ATP13A3: variants seen among roughly 807,000 people sequenced by gnomAD.
The protein encoded by ATP13A3 is polyamine-transporting ATPase 13A3.
ATP13A3 carries 59 observed loss-of-function variants against 158.1 expected under a neutral mutation model. The observed-to-expected ratio is 0.37, with a 90% CI of 0.30 to 0.46. The LOEUF is 0.46. ATP13A3 is among the 20% of genes least tolerant of loss of function. ATP13A3 has a pLI of 1.00. For missense variants in ATP13A3, 1,166 were observed against 1,525.2 expected, an observed-to-expected ratio of 0.76 and a Z score of 3.92; for synonymous variants, 491 against 504.3, an observed-to-expected ratio of 0.97 and a Z score of 0.35.
chr3:194,459,348 T>TA lies in ATP13A3; in HGVS notation c.479+122dup, dbSNP rs1204330278. 3 of 711,564 alleles carry TA rather than the reference T, an allele frequency of 4.2e-6. No individual in the cohort carries two copies. The Admixed American group carries it at 8.6e-5, about 21-fold the overall frequency. The allele number at this position is 711,564 out of a possible 1,614,324, so 44.1% of individuals were successfully genotyped here. ...ACAGCAACAGGGAGTTGTTAATTAA[T>TA]ACGTGAATAGAAATTATAAAATAAA... On this transcript the variant is annotated intron_variant, in intron 6 of 33. Coordinates refer to ENST00000645319, the MANE Select transcript of ATP13A3 (RefSeq NM_001367549.1).
intron 31 of ATP13A3, among the ~76,000 whole-genome samples, chr3:194,417,953 ACG>A (rs1491191481): frequency 2.8e-5 from 3 of 106,226 alleles, no homozygotes; most frequent in African/African-American, 1.3e-4. Context: ...AGACAGACGG[ACG>A]GACGGAAGGA....
intron 16 of ATP13A3, among the ~76,000 whole-genome samples, chr3:194,440,802 T>C (rs908278529): frequency 6.6e-6 from 1 of 152,174 alleles, no homozygotes; most frequent in Non-Finnish European, 1.5e-5. Flanking sequence ...AACTGAATGC[T>C]GTAAAATGAT....
chr3:194,464,199 G>GT (rs1719853001), intron 2 of ATP13A3, among the ~76,000 whole-genome samples: 1 of 152,246 alleles, frequency 6.6e-6, no homozygotes, highest in African/African-American at 2.4e-5. Context: ...TACTTACGTC[G>GT]TTTTAATAAT....
intron 33 of ATP13A3, among the ~76,000 whole-genome samples, chr3:194,408,264 CA>C (rs1027522261): frequency 6.6e-6 from 1 of 152,202 alleles, no homozygotes; most frequent in Non-Finnish European, 1.5e-5. Flanking sequence ...GTGATCCATC[CA>C]CCTCAGCCTC....
At chr3:194,454,430 A>G (rs763118339) in intron 8 of ATP13A3, 38 bp from the exon 9 acceptor site, 1 of 1,549,002 alleles carries the variant, frequency 6.5e-7, no homozygotes, top group South Asian at 1.1e-5. Context: ...TGAATGAGGT[A>G]TTAATGACCA....
chr3:194,439,095 AT>A (rs1425762488), intron 16 of ATP13A3, 123 bp from the exon 17 acceptor site: 4 of 581,388 alleles, frequency 6.9e-6, no homozygotes, highest in Admixed American at 6.9e-5. Context: ...ATTAAAAAAA[AT>A]GTATGTCCAA....
At chr3:194,461,178 T>C (rs1298402343) in intron 3 of ATP13A3, among the ~76,000 whole-genome samples, 1 of 152,210 alleles carries the variant, frequency 6.6e-6, no homozygotes, top group African/African-American at 2.4e-5. Context: ...ATTTATCTTG[T>C]TATGAGGTGG....
chr3:194,433,229 A>ATTTT (rs1337791516), intron 21 of ATP13A3, among the ~76,000 whole-genome samples: 2 of 134,992 alleles, frequency 1.5e-5, no homozygotes, highest in African/African-American at 5.7e-5. Flanking sequence ...TACTTTTACT[A>ATTTT]TTCTTTTTTT....
At chr3:194,455,530 A>G (rs1719163363) in intron 8 of ATP13A3, among the ~76,000 whole-genome samples, 3 of 152,228 alleles carry the variant, frequency 2.0e-5, no homozygotes, top group Admixed American at 6.5e-5. Flanking sequence ...TGCTATGCTC[A>G]TAAGCAACAT....
chr3:194,441,595 T>C, intron 15 of ATP13A3, 134 bp from the exon 16 acceptor site: 1 of 767,852 alleles, frequency 1.3e-6, no homozygotes, highest in South Asian at 2.2e-5. Flanking sequence ...AAAGAGAAAC[T>C]GTCAAGTGTC....
intron 30 of ATP13A3, among the ~76,000 whole-genome samples, chr3:194,424,145 T>A (rs1363075898): frequency 6.6e-6 from 1 of 151,906 alleles, no homozygotes; most frequent in East Asian, 1.9e-4. Flanking sequence ...TCCTGTAGCA[T>A]GGTTCTAATA....
chr3:194,468,611 C>G lies in ATP13A3; in HGVS notation c.-46-6375G>C, dbSNP rs149026427. 1.7e-4 allele frequency among the ~76,000 whole-genome samples: 26 copies of G among 152,260 alleles called. No homozygotes were observed. The East Asian group carries it at 4.1e-3, about 24-fold the overall frequency. On this transcript the variant is annotated intron_variant, in intron 2 of 33. Coordinates refer to ENST00000645319, the MANE Select transcript of ATP13A3 (RefSeq NM_001367549.1). The stretch of plus-strand genomic sequence containing the variant: ...TTTTCAGACACAGAAATCTCCAAAC[C>G]TCAAAGACATCTTTGCTTCAAACCT...
At position 194,438,927 on chromosome 3, in the gene ATP13A3, T is replaced by C; in HGVS notation, c.1756A>G (p.Ile586Val). The change falls in exon 17 of 34, where the codon ATT becomes GTT. Residue 586 changes from isoleucine to valine, a missense_variant. Coordinates refer to ENST00000645319, the MANE Select transcript of ATP13A3 (RefSeq NM_001367549.1). ...TEEETALHNR[I>V]MPTVVRPPKQ... The stretch of plus-strand genomic sequence containing the variant: ...GGAGGACGAACCACTGTGGGCATAA[T>C]TCGATTATGAAGTGCTGTTTCTTCT... 6.2e-7 allele frequency: 1 copy of C among 1,610,358 alleles called. No homozygotes were observed. The highest frequency in any genetic ancestry group is 8.5e-7 in the Non-Finnish European group (1 of 1,178,302).
chr3:194,439,600 A>G (rs1362878255), intron 16 of ATP13A3, among the ~76,000 whole-genome samples: 1 of 152,202 alleles, frequency 6.6e-6, no homozygotes, highest in African/African-American at 2.4e-5. Flanking sequence ...AAATTAGCCA[A>G]TTTTGTACAA....
chr3:194,442,278 C>A (rs1241631459), intron 15 of ATP13A3, among the ~76,000 whole-genome samples: 1 of 152,152 alleles, frequency 6.6e-6, no homozygotes, highest in Non-Finnish European at 1.5e-5. Flanking sequence ...AGAGTGTCAA[C>A]AGACATAACA....
At chr3:194,413,659 G>C in intron 32 of ATP13A3, 100 bp downstream of exon 32, 1 of 1,057,154 alleles carries the variant, frequency 9.5e-7, no homozygotes, top group Non-Finnish European at 1.5e-6. Context: ...GAGACTCTGT[G>C]GCTTTCCATT....
At position 194,431,906 on chromosome 3, in the gene ATP13A3, T is replaced by C; in HGVS notation, c.2246-14A>G. The C allele has an allele frequency of 6.5e-7, 1 of 1,549,586 alleles. No homozygotes were observed. The highest frequency in any genetic ancestry group is 2.1e-5 in the Admixed American group (1 of 48,062). On this transcript the variant is annotated splice_polypyrimidine_tract_variant and intron_variant, in intron 21 of 33. Transcript: ENST00000645319. Reference sequence around the variant, plus strand: ...ACATACTGTCACCTAATTTTCAAAATATTTTAAATGTATTGAAATTAAAAT... The same window carrying C: ...ACATACTGTCACCTAATTTTCAAAACATTTTAAATGTATTGAAATTAAAAT...
Position 194,437,252 on chromosome 3 carries a change from T to A in ATP13A3, c.2000-37A>T, listed in dbSNP as rs756082512. The A allele has an allele frequency of 1.1e-5, 18 of 1,613,868 alleles. No homozygotes were observed. The East Asian group carries it at 4.0e-4, about 36-fold the overall frequency. ...AAAGAGTAAATTTCATTGTTAGAGT[T>A]GCTAATACAAGTTTACTCAAATACC... On this transcript the variant is annotated intron_variant, in intron 19 of 33. Coordinates refer to ENST00000645319, the MANE Select transcript of ATP13A3 (RefSeq NM_001367549.1).
In ATP13A3 at chr3:194,494,206, C is replaced by T; in HGVS notation, n.590G>A. 7 of 398,672 alleles carry T rather than the reference C, an allele frequency of 1.8e-5. No individual in the cohort carries two copies. The highest frequency in any genetic ancestry group is 3.1e-5 in the Non-Finnish European group (7 of 226,128). 24.7% of individuals were successfully genotyped at this position (398,672 alleles called of 1,614,324 possible). A position where few individuals can be genotyped will look rare whatever the true frequency, so the allele number is the denominator to read the frequency against. On this transcript the variant is annotated non_coding_transcript_exon_variant, in exon 2 of 33. Coordinates refer to the ATP13A3 transcript ENST00000687055. The surrounding 1 kb of genome is among the most constrained non-coding windows in gnomAD (Gnocchi z 4.2). Reference sequence around the variant, plus strand: ...TTAAGCACCCAGACTTCCACCTCCTCATGAGCCAGGACCTTCCTCAGCCAC... The same window carrying T: ...TTAAGCACCCAGACTTCCACCTCCTTATGAGCCAGGACCTTCCTCAGCCAC...
Sources: gnomAD v4.1 joint callset for allele counts (sites outside exome capture counted in the v4.1 genomes callset) on GRCh38, gnomAD v4.1.1 for gene constraint, Gnocchi (gnomAD v3.1) non-coding constraint, MANE v1.5 for transcripts, NCBI Gene and HGNC (gene_info 2026-07-23, HGNC 2026-07-21) for gene names.